TMPRSS9: variants seen among roughly 807,000 people sequenced by gnomAD.
TMPRSS9 encodes the protein transmembrane serine protease 9.
Under a neutral mutation model 111.4 loss-of-function variants are expected in TMPRSS9, and 113 were observed. That is an observed-to-expected ratio of 1.01 (90% CI 0.87 to 1.19). TMPRSS9 has a LOEUF of 1.19. Ranked by LOEUF, TMPRSS9 falls within the 50% of genes most tolerant of loss-of-function variation. TMPRSS9 has a pLI of 0.00. For missense variants in TMPRSS9, 1,803 were observed against 1,513.1 expected (o/e 1.19, Z -3.18); for synonymous variants, 805 against 659.1 (o/e 1.22, Z -3.39).
At chr19:2,380,360 C>A (rs1970376746) in intron 1 of TMPRSS9, among the ~76,000 whole-genome samples, 1 of 151,808 alleles carries the variant, frequency 6.6e-6, no homozygotes, top group Non-Finnish European at 1.5e-5. Context: ...CTTTGGGAGG[C>A]CAAGGTGGGT....
At chr19:2,405,736 C>T (rs536859435) in intron 7 of TMPRSS9, among the ~76,000 whole-genome samples, 191 bp downstream of exon 8, 17 of 147,662 alleles carry the variant, frequency 1.2e-4, no homozygotes, top group South Asian at 2.1e-4. Context: ...GACAGAATCT[C>T]GCTCTGTTGT....
exon 15 of TMPRSS9, chr19:2,424,175 T>C: frequency 6.8e-7 from 1 of 1,466,800 alleles, no homozygotes; most frequent in Non-Finnish European, 9.1e-7. Flanking sequence ...GGTGAGCCTG[T>C]GGCTGCGGCG....
In TMPRSS9 at chr19:2,408,633, A is replaced by C; in HGVS notation, c.1117+3A>C. 1 of 1,607,740 alleles carries C rather than the reference A, an allele frequency of 6.2e-7. No homozygotes were observed. Among genetic ancestry groups the C allele is most frequent in the Non-Finnish European group, 8.5e-7 (1 of 1,175,738 alleles). On this transcript the variant is annotated splice_donor_region_variant and intron_variant, in intron 8 of 17. Transcript: ENST00000648592. ...GGGCTACCTCAAGGAGGACTTCCGT[A>C]AGCATCTTCCTCGGCCTGCAAGTGA...
At chr19:2,363,272 T>C (rs967351645) in intron 1 of TMPRSS9, among the ~76,000 whole-genome samples, 1 of 152,162 alleles carries the variant, frequency 6.6e-6, no homozygotes, top group Non-Finnish European at 1.5e-5. Context: ...GGAGAGTCCT[T>C]AGGCAAAAGG....
chr19:2,399,142 C>A, exon 4 of TMPRSS9: 2 of 1,612,960 alleles, frequency 1.2e-6, no homozygotes, highest in Non-Finnish European at 1.7e-6. Flanking sequence ...GCTGCGGGAG[C>A]ACGGCATCTC....
intron 1 of TMPRSS9, among the ~76,000 whole-genome samples, chr19:2,381,353 T>C (rs1970383299): frequency 6.6e-6 from 1 of 151,420 alleles, no homozygotes; most frequent in Non-Finnish European, 1.5e-5. Context: ...GAACACTGTG[T>C]GTGTGTGTGC....
At chr19:2,413,777 C>T (rs10153477) in exon 10 of TMPRSS9, 69,739 of 1,613,854 alleles carry the variant, frequency 0.043, 1,756 homozygotes, top group Non-Finnish European at 0.048. Context: ...GCTGGGGAAT[C>T]GGGTGTGCGG....
chr19:2,391,757 AGATGGAGTCTCACTCTGTCTCCCAGGCGC>A (rs1970603381), intron 1 of TMPRSS9, among the ~76,000 whole-genome samples: 1 of 57,756 alleles, frequency 1.7e-5, no homozygotes. Context: ...TTTTTTTTTG[AGATGGAGTCTCACTCTGTCTCCCAGGCGC>A]GACAGAGTGC....
intron 4 of TMPRSS9, among the ~76,000 whole-genome samples, chr19:2,400,368 C>G (rs911641242): frequency 1.3e-5 from 2 of 151,800 alleles, no homozygotes; most frequent in African/African-American, 4.8e-5. Flanking sequence ...ATGGCGAAAC[C>G]CCGTCTCTAC....
chr19:2,401,948 G>C (rs1375970911), intron 4 of TMPRSS9, 27 bp from the exon 6 acceptor site: 2 of 1,604,746 alleles, frequency 1.2e-6, no homozygotes, highest in Admixed American at 3.4e-5. Flanking sequence ...TATTCAGTGA[G>C]CTTCTATCTT....
At chr19:2,405,439 G>A in exon 7 of TMPRSS9, 1 of 1,608,366 alleles carries the variant, frequency 6.2e-7, no homozygotes, top group Non-Finnish European at 8.5e-7. Flanking sequence ...AGCATCCCCG[G>A]GGGAGTTTCC....
chr19:2,407,485 C>T (rs1311518499), intron 7 of TMPRSS9, among the ~76,000 whole-genome samples: 3 of 151,738 alleles, frequency 2.0e-5, no homozygotes, highest in South Asian at 2.1e-4. Flanking sequence ...TGAGATCACG[C>T]CACTGCACTC....
At chr19:2,416,224 C>T (rs1971227294) in intron 11 of TMPRSS9, 4 of 453,762 alleles carry the variant, frequency 8.8e-6, no homozygotes, top group Admixed American at 3.8e-5. Context: ...GGCAACAGAG[C>T]GAGACCCTGT....
chr19:2,390,689 C>T (rs974587444), intron 1 of TMPRSS9, among the ~76,000 whole-genome samples: 1 of 151,422 alleles, frequency 6.6e-6, no homozygotes, highest in African/African-American at 2.4e-5. Flanking sequence ...AGCCCTGCCT[C>T]TACAGAAAAT....
At chr19:2,403,259 C>T (rs1162657415) in intron 6 of TMPRSS9, 64 bp downstream of exon 7, 1 of 1,367,960 alleles carries the variant, frequency 7.3e-7, no homozygotes, top group South Asian at 1.2e-5. Flanking sequence ...GCTGCTGGCT[C>T]TGGTCTGTGG....
chr19:2,386,029 C>T (rs551727233), upstream of TMPRSS9, among the ~76,000 whole-genome samples: 1 of 152,078 alleles, frequency 6.6e-6, no homozygotes, highest in Non-Finnish European at 1.5e-5. Context: ...CTTGCAGCCT[C>T]AACCTCCTGG....
chr19:2,418,014 A>G, exon 13 of TMPRSS9: 1 of 1,611,524 alleles, frequency 6.2e-7, no homozygotes, highest in Non-Finnish European at 8.5e-7. Flanking sequence ...ACCAAGCCCG[A>G]GCTCCTGCAG....
chr19:2,390,013 C>T, intron 1 of TMPRSS9, 86 bp downstream of exon 2: 2 of 1,513,556 alleles, frequency 1.3e-6, no homozygotes, highest in Non-Finnish European at 1.8e-6. Flanking sequence ...GTCTCCTTGG[C>T]CATCTGGAAT....
chr19:2,379,466 T>C (rs1369388005), intron 1 of TMPRSS9, among the ~76,000 whole-genome samples: 1 of 152,006 alleles, frequency 6.6e-6, no homozygotes, highest in East Asian at 1.9e-4. Flanking sequence ...ATTACAGGCA[T>C]GAGCCACCGT....
Sources: allele counts gnomAD v4.1 joint callset (sites outside exome capture counted in the v4.1 genomes callset), GRCh38; gene constraint gnomAD v4.1.1; transcripts MANE v1.5; gene names NCBI Gene and HGNC (gene_info 2026-07-23, HGNC 2026-07-21).